The following PRR16 variants were observed in gnomAD, a reference collection of about 807,000 sequenced individuals.
PRR16 encodes the protein protein Largen.
In PRR16, 6 loss-of-function variants were observed where a neutral mutation model predicts 18.2. That is an observed-to-expected ratio of 0.33 (90% CI 0.18 to 0.65). PRR16 has a LOEUF of 0.65. Among genes scored for constraint, PRR16 ranks in the 30% least tolerant of loss-of-function variants. PRR16 has a pLI of 0.74. For missense variants in PRR16, 412 were observed against 376.6 expected, an observed-to-expected ratio of 1.09 and a Z score of -0.78; for synonymous variants, 151 against 147.8, an observed-to-expected ratio of 1.02 and a Z score of -0.16.
the PRR16 span, among the ~76,000 whole-genome samples, chr5:120,759,317 C>T: frequency 1.3e-5 from 2 of 152,060 alleles, no homozygotes; most frequent in Admixed American, 6.6e-5. Context: ...ATATACATTA[C>T]AATTCATATC....
chr5:120,519,703 C>T (rs1290866544), intron 1 of PRR16, among the ~76,000 whole-genome samples: 1 of 152,008 alleles, frequency 6.6e-6, no homozygotes, highest in South Asian at 2.1e-4. Context: ...ATAAACATCT[C>T]TTGTGCCAAC....
At chr5:120,667,417 A>G (rs937393052) in intron 1 of PRR16, among the ~76,000 whole-genome samples, 1 of 152,188 alleles carries the variant, frequency 6.6e-6, no homozygotes, top group South Asian at 2.1e-4. Context: ...TCCTGGATTC[A>G]TTAATTTTTT....
At position 120,464,471 on chromosome 5, in the gene PRR16, C is replaced by T. The variant is rs1749010508; in HGVS notation, c.-16C>T. On this transcript the variant is annotated 5_prime_UTR_variant, in exon 1 of 2. Coordinates refer to ENST00000407149, the MANE Select transcript of PRR16 (RefSeq NM_001300783.2). ...CTCGCCCGCCTGTCCTGACCTGCCT[C>T]GCTTGCCCCCAAAGAATGTCAGCCA... 2 of 1,578,926 alleles carry T rather than the reference C, an allele frequency of 1.3e-6. No individual in the cohort carries two copies. Among genetic ancestry groups the T allele is most frequent in the South Asian group, 2.3e-5 (2 of 87,416 alleles).
the PRR16 span, among the ~76,000 whole-genome samples, chr5:120,703,088 A>G: frequency 1.2e-4 from 18 of 152,122 alleles, no homozygotes; most frequent in East Asian, 7.8e-4. Flanking sequence ...GGGTGGGGCC[A>G]TTTTATAGGA....
At chr5:120,606,627 G>C (rs1432597670) in intron 1 of PRR16, among the ~76,000 whole-genome samples, 1 of 152,062 alleles carries the variant, frequency 6.6e-6, no homozygotes, top group Non-Finnish European at 1.5e-5. Flanking sequence ...AACCAGCTGA[G>C]TGCAGTGGTT....
intron 1 of PRR16, among the ~76,000 whole-genome samples, chr5:120,681,352 T>A (rs940878902): frequency 1.8e-4 from 28 of 152,300 alleles, no homozygotes; most frequent in South Asian, 4.1e-4. Flanking sequence ...ACTTTTGACT[T>A]AATAAAGTTA....
chr5:120,773,222 C>T, the PRR16 span, among the ~76,000 whole-genome samples: 2 of 152,128 alleles, frequency 1.3e-5, no homozygotes, highest in East Asian at 1.9e-4. Context: ...GAATAAGAGT[C>T]CCCAAATCAC....
intron 1 of PRR16, among the ~76,000 whole-genome samples, chr5:120,539,946 C>A (rs1164342284): frequency 6.6e-6 from 1 of 151,724 alleles, no homozygotes; most frequent in Non-Finnish European, 1.5e-5. Flanking sequence ...GTTTCAAAAT[C>A]CCTTTTTGGT....
the PRR16 span, among the ~76,000 whole-genome samples, chr5:120,770,387 T>A: frequency 2.0e-5 from 3 of 151,982 alleles, no homozygotes; most frequent in African/African-American, 7.2e-5. Flanking sequence ...AGAAGGCAAC[T>A]GGACCCTTGC....
chr5:120,577,656 T>C (rs1753124800), intron 1 of PRR16, among the ~76,000 whole-genome samples: 1 of 152,186 alleles, frequency 6.6e-6, no homozygotes, highest in Non-Finnish European at 1.5e-5. Context: ...TGCCTTCTTC[T>C]ATTAACAAGA....
At chr5:120,618,517 A>G (rs952859848) in intron 1 of PRR16, 3 of 960,580 alleles carry the variant, frequency 3.1e-6, no homozygotes, top group Non-Finnish European at 3.7e-6. Flanking sequence ...AGGGAATGGT[A>G]TTTGGAATTT....
the PRR16 span, among the ~76,000 whole-genome samples, chr5:120,739,363 A>G: frequency 3.7e-4 from 56 of 152,310 alleles, 3 homozygotes; most frequent in South Asian, 0.011. Context: ...AGTTGCTGTC[A>G]AAAGACAAGG....
At chr5:120,677,792 A>G (rs970527285) in intron 1 of PRR16, among the ~76,000 whole-genome samples, 17 of 151,596 alleles carry the variant, frequency 1.1e-4, no homozygotes, top group Non-Finnish European at 2.2e-4. Flanking sequence ...AAAAAGTAAG[A>G]TTTAGGTTCT....
chr5:120,616,530 C>T (rs571153571), intron 1 of PRR16, among the ~76,000 whole-genome samples: 1 of 152,256 alleles, frequency 6.6e-6, no homozygotes, highest in East Asian at 1.9e-4. Context: ...GTTCAGCAAG[C>T]TTAGGTTTCC....
intron 1 of PRR16, among the ~76,000 whole-genome samples, chr5:120,617,796 TA>T (rs1239492170): frequency 6.6e-6 from 1 of 152,168 alleles, no homozygotes. Context: ...AGCATATTCA[TA>T]ACATAATCTT....
At chr5:120,597,936 G>A (rs961242392) in intron 1 of PRR16, among the ~76,000 whole-genome samples, 11 of 151,730 alleles carry the variant, frequency 7.2e-5, no homozygotes, top group Non-Finnish European at 1.3e-4. Flanking sequence ...TGGGGTGAAT[G>A]GCTGTTGCTA....
chr5:120,499,094 A>G (rs1580651978), intron 1 of PRR16, among the ~76,000 whole-genome samples: 1 of 140,872 alleles, frequency 7.1e-6, no homozygotes, highest in Admixed American at 7.1e-5. Flanking sequence ...ATTTTCAGTC[A>G]TCTTTTTTTT....
chr5:120,734,224 G>T, the PRR16 span, among the ~76,000 whole-genome samples: 2 of 152,148 alleles, frequency 1.3e-5, no homozygotes, highest in South Asian at 2.1e-4. Context: ...GACCATCTGG[G>T]CTTCCCAGGG....
chr5:120,581,287 A>T (rs1753263877), intron 1 of PRR16, among the ~76,000 whole-genome samples: 1 of 152,122 alleles, frequency 6.6e-6, no homozygotes, highest in African/African-American at 2.4e-5. Context: ...CATTTCTTCT[A>T]GATTTTCCGG....
Sources: gnomAD v4.1 joint callset for allele counts (sites outside exome capture counted in the v4.1 genomes callset) on GRCh38, gnomAD v4.1.1 for gene constraint, MANE v1.5 for transcripts, NCBI Gene and HGNC (gene_info 2026-07-23, HGNC 2026-07-21) for gene names.